Variants in FSTL5 observed in about 807,000 individuals in gnomAD.
The protein encoded by FSTL5 is follistatin-related protein 5.
In FSTL5, 62 loss-of-function variants were observed where a neutral mutation model predicts 89.1. The ratio of observed to expected loss-of-function variants is 0.70; its 90% CI spans 0.57 to 0.86. The LOEUF (loss-of-function observed/expected upper bound fraction) is 0.86. FSTL5 is among the 40% of genes least tolerant of loss of function. The pLI, the probability that FSTL5 is intolerant of heterozygous loss-of-function variation, is 0.00. For synonymous variants in FSTL5, 383 were observed against 346.2 expected (o/e 1.11, Z -1.18); for missense variants, 1,057 against 1,001.6 (o/e 1.06, Z -0.75).
At chr4:161,980,838 G>A (rs1387844191) in intron 3 of FSTL5, among the ~76,000 whole-genome samples, 7 of 137,354 alleles carry the variant, frequency 5.1e-5, no homozygotes, top group Non-Finnish European at 1.1e-4. Context: ...GTGCAATGGC[G>A]CGATCTCGGC....
At chr4:161,813,556 G>A (rs941813470) in intron 4 of FSTL5, among the ~76,000 whole-genome samples, 2 of 152,200 alleles carry the variant, frequency 1.3e-5, no homozygotes, top group Non-Finnish European at 2.9e-5. Flanking sequence ...GCTGTTGTGA[G>A]AATGCTACTT....
At chr4:161,782,582 C>T (rs1226456281) in intron 4 of FSTL5, among the ~76,000 whole-genome samples, 1 of 152,064 alleles carries the variant, frequency 6.6e-6, no homozygotes, top group African/African-American at 2.4e-5. Flanking sequence ...TATAATTGCC[C>T]TAAGCATTGT....
intron 3 of FSTL5, among the ~76,000 whole-genome samples, chr4:161,989,763 T>C (rs1403783008): frequency 2.0e-5 from 3 of 152,132 alleles, no homozygotes; most frequent in Non-Finnish European, 4.4e-5. Flanking sequence ...AATTAGGGAA[T>C]ATTTTTCAGT....
intron 8 of FSTL5, among the ~76,000 whole-genome samples, chr4:161,577,514 T>C (rs1733269257): frequency 7.0e-6 from 1 of 143,090 alleles, no homozygotes. Context: ...TGGTGTATAA[T>C]TGTCTTGGCT....
At position 161,447,198 on chromosome 4, in the gene FSTL5, A is replaced by G. The variant is rs1236181353; in HGVS notation, c.1841+7806T>C. Among the ~76,000 whole-genome samples, 4 of 152,220 alleles carry G rather than the reference A, an allele frequency of 2.6e-5. 1 individual carries two copies. The highest frequency in any genetic ancestry group is 9.6e-5 in the African/African-American group (4 of 41,576). ...TTATTAGTGCTCCATTGATTTCTTC[A>G]GTAAAAATTTGTTGTAGAATGAGTC... On this transcript the variant is annotated intron_variant, in intron 15 of 15. Coordinates refer to ENST00000306100, the MANE Select transcript of FSTL5 (RefSeq NM_020116.5).
chr4:162,009,919 T>C (rs1052734852), intron 3 of FSTL5, among the ~76,000 whole-genome samples: 3 of 151,938 alleles, frequency 2.0e-5, no homozygotes, highest in Non-Finnish European at 2.9e-5. Flanking sequence ...GGTTGTGACA[T>C]GCAATTTGAA....
At chr4:162,081,127 T>A (rs2111333456) in intron 2 of FSTL5, among the ~76,000 whole-genome samples, 1 of 151,788 alleles carries the variant, frequency 6.6e-6, no homozygotes, top group South Asian at 2.1e-4. Flanking sequence ...GTATTCTAAT[T>A]ATTTAATGAT....
intron 3 of FSTL5, among the ~76,000 whole-genome samples, chr4:162,011,258 C>T (rs1249474062): frequency 6.6e-6 from 1 of 152,060 alleles, no homozygotes; most frequent in Admixed American, 6.6e-5. Context: ...TTAAGTTTTC[C>T]ATTCCCAGGC....
intron 8 of FSTL5, among the ~76,000 whole-genome samples, chr4:161,573,892 A>G (rs1733120897): frequency 6.6e-6 from 1 of 152,186 alleles, no homozygotes; most frequent in Non-Finnish European, 1.5e-5. Flanking sequence ...TATATTCTGG[A>G]GGCCAGAAGA....
chr4:161,842,839 C>T (rs1385408597), intron 4 of FSTL5, among the ~76,000 whole-genome samples: 1 of 151,946 alleles, frequency 6.6e-6, no homozygotes, highest in African/African-American at 2.4e-5. Context: ...CAATCCTTTG[C>T]CATCTTCATC....
chr4:161,526,787 T>G (rs1319544089), intron 10 of FSTL5, among the ~76,000 whole-genome samples: 4 of 152,180 alleles, frequency 2.6e-5, no homozygotes, highest in Non-Finnish European at 5.9e-5. Flanking sequence ...GAGGGCTCTG[T>G]TCTGTTCCAT....
chr4:161,766,160 A>C (rs2126795204), intron 5 of FSTL5, among the ~76,000 whole-genome samples: 1 of 152,322 alleles, frequency 6.6e-6, no homozygotes, highest in South Asian at 2.1e-4. Context: ...AAAAACCTAA[A>C]TCAATATACT....
Position 161,757,162 on chromosome 4 carries a change from T to C in FSTL5, c.727+2249A>G, listed in dbSNP as rs189037178. Among the ~76,000 whole-genome samples, 825 of 152,328 alleles carry C rather than the reference T, an allele frequency of 5.4e-3. 10 individuals are homozygous for C. The highest frequency in any genetic ancestry group is 9.5e-3 in the Non-Finnish European group (644 of 68,022). The stretch of plus-strand genomic sequence containing the variant: ...TTTTATTTATGTTATTCTTTCTATC[T>C]ACTACCCTTTGCTCATCTCCAAAAG... On this transcript the variant is annotated intron_variant, in intron 6 of 15. Transcript: ENST00000306100.
intron 4 of FSTL5, among the ~76,000 whole-genome samples, chr4:161,777,384 AT>A (rs1181881924): frequency 3.3e-5 from 5 of 151,914 alleles, no homozygotes; most frequent in African/African-American, 1.2e-4. Context: ...TGATATTCTA[AT>A]TTCCTGTCTT....
chr4:162,016,700 T>C (rs1048876992), intron 3 of FSTL5, among the ~76,000 whole-genome samples: 2 of 152,208 alleles, frequency 1.3e-5, no homozygotes, highest in Admixed American at 1.3e-4. Context: ...AGTATCTCCA[T>C]GTTCCTGGCA....
intron 6 of FSTL5, among the ~76,000 whole-genome samples, chr4:161,675,074 T>G (rs1459866606): frequency 1.3e-5 from 2 of 152,152 alleles, no homozygotes; most frequent in Non-Finnish European, 2.9e-5. Context: ...TAAAGCAGGA[T>G]AGTTTATAAG....
chr4:161,775,941 A>T lies in FSTL5; in HGVS notation c.543T>A (p.Asp181Glu). ...DDISRKKLLV[D>E]QMFKYFDADS... ...CTGCATCAAAATATTTAAACATTTGATCCACCAATAGCTTCTTCCGAGATA... is the reference window on the plus strand; with the variant it reads ...CTGCATCAAAATATTTAAACATTTGTTCCACCAATAGCTTCTTCCGAGATA... Residue 181 changes from aspartate (D) to glutamate (E), a missense_variant, in exon 5 of 16, where the codon GAT becomes GAA. By Grantham distance (45) the Asp-to-Glu change is conservative. Coordinates refer to ENST00000306100, the MANE Select transcript of FSTL5 (RefSeq NM_020116.5). The T allele has an allele frequency of 1.2e-6, 2 of 1,606,574 alleles. No individual in the cohort carries two copies. Among genetic ancestry groups the T allele is most frequent in the Non-Finnish European group, 1.7e-6 (2 of 1,176,374 alleles).
intron 4 of FSTL5, among the ~76,000 whole-genome samples, chr4:161,819,785 T>TA (rs1203900032): frequency 9.9e-5 from 15 of 152,038 alleles, no homozygotes; most frequent in African/African-American, 4.8e-5. Flanking sequence ...AAAACTGGGG[T>TA]AAAAAATATA....
At chr4:161,614,660 T>A (rs1023666840) in intron 7 of FSTL5, among the ~76,000 whole-genome samples, 3 of 152,128 alleles carry the variant, frequency 2.0e-5, no homozygotes. Context: ...TTGCAAGTAA[T>A]CACTATAATT....
Sources: gnomAD v4.1 joint callset for allele counts (sites outside exome capture counted in the v4.1 genomes callset) on GRCh38, gnomAD v4.1.1 for gene constraint, MANE v1.5 for transcripts, NCBI Gene and HGNC (gene_info 2026-07-23, HGNC 2026-07-21) for gene names.